Variants in UST observed in about 807,000 individuals in gnomAD.
The protein encoded by UST is uronyl 2-sulfotransferase, also known as chondroitin sulfate 2-O-sulfotransferase.
Under a neutral mutation model 45.6 loss-of-function variants are expected in UST, and 21 were observed. That is an observed-to-expected ratio of 0.46 (90% confidence interval 0.33 to 0.66). The LOEUF (loss-of-function observed/expected upper bound fraction) is 0.66. UST is among the 30% of genes least tolerant of loss of function. UST has a pLI of 0.02. For missense variants in UST, 463 were observed against 512.4 expected (o/e 0.90, Z 0.93); for synonymous variants, 215 against 200.6 (o/e 1.07, Z -0.61).
intron 1 of UST, among the ~76,000 whole-genome samples, chr6:148,831,535 C>T (rs1842772): frequency 0.27 from 41,441 of 152,008 alleles, 6,411 homozygotes; most frequent in East Asian, 0.53. Context: ...TAGTGCTTAT[C>T]GGAAGCAAGA....
intron 3 of UST, 77 bp downstream of exon 3, chr6:148,941,511 A>C: frequency 6.8e-7 from 1 of 1,465,048 alleles, no homozygotes. Context: ...CTTACAGGTC[A>C]TCCTTCAGAC....
chr6:149,024,645 A>C (rs1356560024), intron 7 of UST, among the ~76,000 whole-genome samples: 2 of 152,184 alleles, frequency 1.3e-5, no homozygotes, highest in Admixed American at 1.3e-4. Context: ...GTTGGTGTCA[A>C]GTAGGTTAAA....
intron 1 of UST, 91 bp downstream of exon 1, chr6:148,747,768 A>ACCGCGCGCCG (rs1279245855): frequency 7.0e-7 from 1 of 1,418,750 alleles, no homozygotes; most frequent in African/African-American, 1.5e-5. Flanking sequence ...TCGCGCTGCC[A>ACCGCGCGCCG]CCGCGCGCCG....
intron 1 of UST, among the ~76,000 whole-genome samples, chr6:148,798,851 G>GATTTT (rs1259861774): frequency 6.7e-6 from 1 of 149,626 alleles, no homozygotes; most frequent in Non-Finnish European, 1.5e-5. Context: ...GAGGAGATAG[G>GATTTT]ATTTATTTAT....
intron 7 of UST, among the ~76,000 whole-genome samples, chr6:149,067,897 A>G (rs1316873935): frequency 1.3e-5 from 2 of 152,204 alleles, no homozygotes; most frequent in Non-Finnish European, 2.9e-5. Context: ...TACTGGAAAC[A>G]CAAAATTACA....
chr6:148,915,175 G>T (rs1379434926), intron 2 of UST, among the ~76,000 whole-genome samples: 1 of 152,156 alleles, frequency 6.6e-6, no homozygotes, highest in African/African-American at 2.4e-5. Flanking sequence ...ATTTTGGGAA[G>T]ACACAAACAT....
At chr6:148,930,266 CTTG>C (rs890141967) in intron 2 of UST, among the ~76,000 whole-genome samples, 1 of 152,218 alleles carries the variant, frequency 6.6e-6, no homozygotes, top group African/African-American at 2.4e-5. Flanking sequence ...GGGCAAGAGA[CTTG>C]TTGTAACCTT....
intron 5 of UST, among the ~76,000 whole-genome samples, chr6:148,967,560 AT>A (rs1780827238): frequency 6.6e-6 from 1 of 152,046 alleles, no homozygotes; most frequent in East Asian, 1.9e-4. Flanking sequence ...GTCTGTCCTC[AT>A]TTTGGCAAAG....
rs575921784 is a variant in UST, at chr6:149,031,004, C to T, written c.937+9523C>T. On this transcript the variant is annotated intron_variant, in intron 7 of 7. Transcript: ENST00000367463. ...CAGGTGGATCACAAGGTCAGGAGTT[C>T]GAGACCAGCCTGGCCAACATGGTGA... Among the ~76,000 whole-genome samples, 71 of 151,800 alleles carry T rather than the reference C, an allele frequency of 4.7e-4. 1 individual carries two copies. Among genetic ancestry groups the T allele is most frequent in the Non-Finnish European group, 7.9e-4 (54 of 67,994 alleles).
At chr6:149,036,929 G>T (rs971851498) in intron 7 of UST, among the ~76,000 whole-genome samples, 1 of 152,186 alleles carries the variant, frequency 6.6e-6, no homozygotes, top group Admixed American at 6.5e-5. Context: ...TATAAGAACT[G>T]ATAAAAACAG....
chr6:148,783,871 A>G (rs1776687937), intron 1 of UST, among the ~76,000 whole-genome samples: 1 of 152,202 alleles, frequency 6.6e-6, no homozygotes, highest in Admixed American at 6.5e-5. Context: ...ATGTTGCACT[A>G]TAGATCTCAT....
At chr6:148,956,324 G>A (rs1376050166) in intron 4 of UST, among the ~76,000 whole-genome samples, 5 of 152,128 alleles carry the variant, frequency 3.3e-5, no homozygotes, top group African/African-American at 7.2e-5. Context: ...CACGTGGCTG[G>A]GGAGGCCTCA....
chr6:149,062,598 C>T (rs868364349), intron 7 of UST, among the ~76,000 whole-genome samples: 2 of 152,204 alleles, frequency 1.3e-5, no homozygotes, highest in South Asian at 4.1e-4. Context: ...CACTCAAGCC[C>T]TTCTTTTCAA....
At chr6:149,044,698 C>T (rs996130489) in intron 7 of UST, among the ~76,000 whole-genome samples, 1 of 152,106 alleles carries the variant, frequency 6.6e-6, no homozygotes, top group Admixed American at 6.6e-5. Flanking sequence ...CTTAATACCA[C>T]CAGAGACAAG....
At chr6:148,829,254 G>A (rs922439983) in intron 1 of UST, among the ~76,000 whole-genome samples, 2 of 152,166 alleles carry the variant, frequency 1.3e-5, no homozygotes, top group African/African-American at 2.4e-5. Context: ...CTTAATGTAC[G>A]TCTTTATATG....
intron 1 of UST, among the ~76,000 whole-genome samples, chr6:148,831,670 A>G (rs956476871): frequency 7.9e-5 from 12 of 152,156 alleles, no homozygotes; most frequent in African/African-American, 2.7e-4. Context: ...TGGCTCATGC[A>G]TGTGGTCCCA....
intron 1 of UST, among the ~76,000 whole-genome samples, chr6:148,750,715 T>C (rs555861742): frequency 6.6e-6 from 1 of 152,260 alleles, no homozygotes; most frequent in East Asian, 1.9e-4. Flanking sequence ...ACTCTGAGTA[T>C]CTTGAGGAGC....
intron 1 of UST, among the ~76,000 whole-genome samples, chr6:148,795,769 T>G (rs770066605): frequency 1.5e-4 from 23 of 152,180 alleles, no homozygotes; most frequent in Non-Finnish European, 3.2e-4. Flanking sequence ...CAGACTTGAT[T>G]TGTATACCTG....
chr6:149,064,918 C>T (rs1339850903), intron 7 of UST, among the ~76,000 whole-genome samples: 2 of 151,942 alleles, frequency 1.3e-5, no homozygotes, highest in Admixed American at 1.3e-4. Context: ...ACCCCACGGG[C>T]CAAACAACAC....
Sources: gnomAD v4.1 joint callset for allele counts (sites outside exome capture counted in the v4.1 genomes callset) on GRCh38, gnomAD v4.1.1 for gene constraint, MANE v1.5 for transcripts, NCBI Gene and HGNC (gene_info 2026-07-23, HGNC 2026-07-21) for gene names.